The following PRKCB variants were observed in gnomAD, a reference collection of about 807,000 sequenced individuals.
The protein encoded by PRKCB is protein kinase C beta.
PRKCB carries 13 observed loss-of-function variants against 81.5 expected under a neutral mutation model. The ratio of observed to expected loss-of-function variants is 0.16; its 90% CI spans 0.10 to 0.25. PRKCB has a LOEUF of 0.25. Among genes scored for constraint, PRKCB ranks in the 10% least tolerant of loss-of-function variants. PRKCB has a pLI of 1.00. For synonymous variants in PRKCB, 335 were observed against 321.4 expected (o/e 1.04, Z -0.45); for missense variants, 509 against 875.7 (o/e 0.58, Z 5.29).
intron 3 of PRKCB, among the ~76,000 whole-genome samples, chr16:24,008,866 C>G (rs937627338): frequency 6.6e-6 from 1 of 152,128 alleles, no homozygotes; most frequent in African/African-American, 2.4e-5. Flanking sequence ...TGCCCTTCTT[C>G]CAGGCTGTAG....
chr16:24,116,600 G>C (rs1027965926), intron 8 of PRKCB, among the ~76,000 whole-genome samples: 4 of 152,052 alleles, frequency 2.6e-5, no homozygotes, highest in South Asian at 4.2e-4. Flanking sequence ...GATAACAGAG[G>C]CTTGTTCCCA....
rs941961845 is a variant in PRKCB at position 24,094,628 on chromosome 16, A to C, written c.821+331A>C. Among the ~76,000 whole-genome samples the C allele has an allele frequency of 2.6e-5, 4 of 152,200 alleles. No homozygotes were observed. The East Asian group carries it at 7.7e-4, about 29-fold the overall frequency. ...CAAAAACATGAAAAATTAGCTGGGC[A>C]TGGTGGTGTGTGCCTGTAGTTCCAG... On this transcript the variant is annotated intron_variant, in intron 7 of 16. Transcript: ENST00000643927.
rs567185119 is a variant in PRKCB, at chr16:24,065,072, T to TA, written c.530-27719_530-27718insA. Among the ~76,000 whole-genome samples, 1,005 of 148,300 alleles carry TA rather than the reference T, an allele frequency of 6.8e-3. 9 individuals carry two copies. The highest frequency in any genetic ancestry group is 0.022 in the African/African-American group (916 of 40,868). ...ATAAAATAATATAAATATATATATA[T>TA]TTTTCCCCCTTTTCCCTTTCAGTCT... On this transcript the variant is annotated intron_variant, in intron 5 of 16. Coordinates refer to ENST00000643927, the MANE Select transcript of PRKCB (RefSeq NM_002738.7).
chr16:23,981,200 AG>A, intron 2 of PRKCB, among the ~76,000 whole-genome samples: 1 of 152,220 alleles, frequency 6.6e-6, no homozygotes, highest in East Asian at 1.9e-4. Flanking sequence ...TGGAGGCTCT[AG>A]GGGACAATCT....
intron 12 of PRKCB, among the ~76,000 whole-genome samples, chr16:24,178,192 G>A (rs925848133): frequency 3.9e-5 from 6 of 152,128 alleles, no homozygotes; most frequent in Admixed American, 2.0e-4. Flanking sequence ...GGGTGGGAAG[G>A]GAAAAAGATT....
chr16:23,881,076 C>A (rs1394053387), intron 2 of PRKCB, among the ~76,000 whole-genome samples: 1 of 152,090 alleles, frequency 6.6e-6, no homozygotes, highest in Admixed American at 6.5e-5. Flanking sequence ...TGAGAGCAGA[C>A]TTCTAGAAGT....
At chr16:23,953,810 C>G (rs1196745981) in intron 2 of PRKCB, among the ~76,000 whole-genome samples, 1 of 151,940 alleles carries the variant, frequency 6.6e-6, no homozygotes, top group Non-Finnish European at 1.5e-5. Flanking sequence ...CAGACCCAGT[C>G]ACTGCTCTCA....
intron 2 of PRKCB, among the ~76,000 whole-genome samples, chr16:23,885,270 A>G (rs543120550): frequency 6.6e-6 from 1 of 152,124 alleles, no homozygotes; most frequent in East Asian, 1.9e-4. Context: ...CAGATGGGAG[A>G]TCCTGTGGCT....
intron 10 of PRKCB, among the ~76,000 whole-genome samples, chr16:24,164,176 G>C (rs1967306886): frequency 6.6e-6 from 1 of 152,138 alleles, no homozygotes; most frequent in Non-Finnish European, 1.5e-5. Flanking sequence ...CAGGCATCAT[G>C]TTACACTCCA....
At chr16:24,188,934 C>T (rs1245298430) in intron 15 of PRKCB, among the ~76,000 whole-genome samples, 11 of 152,284 alleles carry the variant, frequency 7.2e-5, no homozygotes, top group East Asian at 3.9e-4. Context: ...GGAGCCTGAA[C>T]GCATATGATG....
chr16:24,174,359 T>A (rs928174500), intron 11 of PRKCB, 159 bp from the exon 12 acceptor site: 1 of 637,972 alleles, frequency 1.6e-6, no homozygotes, highest in Admixed American at 3.0e-5. Context: ...ACCCTTTGAA[T>A]CCATCTGTAC....
chr16:24,164,006 G>A (rs925637003), intron 10 of PRKCB, among the ~76,000 whole-genome samples: 1 of 152,254 alleles, frequency 6.6e-6, no homozygotes, highest in African/African-American at 2.4e-5. Flanking sequence ...CAGACGGGAT[G>A]AATCCACAGA....
chr16:23,989,692 G>A (rs1409663758), intron 3 of PRKCB, among the ~76,000 whole-genome samples: 1 of 152,156 alleles, frequency 6.6e-6, no homozygotes, highest in East Asian at 1.9e-4. Context: ...GGTGATATAA[G>A]GATATGGCAA....
At chr16:23,969,880 C>T (rs549663557) in intron 2 of PRKCB, among the ~76,000 whole-genome samples, 4 of 151,960 alleles carry the variant, frequency 2.6e-5, no homozygotes, top group South Asian at 4.2e-4. Flanking sequence ...TGTGTGTGTA[C>T]GTGGGGAAGG....
chr16:23,890,201 A>C (rs780847195), intron 2 of PRKCB, among the ~76,000 whole-genome samples: 3 of 152,184 alleles, frequency 2.0e-5, no homozygotes, highest in Non-Finnish European at 4.4e-5. Flanking sequence ...GAACACCCTG[A>C]CCTTTCACTG....
At position 24,217,114 on chromosome 16, in the gene PRKCB, G is replaced by A. The variant is rs1220467547; in HGVS notation, c.*2298G>A. Reference sequence around the variant, plus strand: ...AAAGAAAGGAAAGAAAGAAGAAAAAGAAAGAAGGAAAGAAAGAAAGAGAAA... The same window carrying A: ...AAAGAAAGGAAAGAAAGAAGAAAAAAAAAGAAGGAAAGAAAGAAAGAGAAA... On this transcript the variant is annotated 3_prime_UTR_variant, in exon 17 of 17. Coordinates refer to ENST00000643927, the MANE Select transcript of PRKCB (RefSeq NM_002738.7). The A allele has an allele frequency of 1.0e-6, 1 of 979,712 alleles. No homozygotes were observed. The highest frequency in any genetic ancestry group is 1.2e-6 in the Non-Finnish European group (1 of 827,654). The allele number at this position is 979,712 out of a possible 1,614,324, so 60.7% of individuals were successfully genotyped here.
At chr16:23,863,175 T>C (rs1228671473) in intron 2 of PRKCB, among the ~76,000 whole-genome samples, 1 of 70,770 alleles carries the variant, frequency 1.4e-5, no homozygotes, top group Non-Finnish European at 2.8e-5. Context: ...TATATATGTA[T>C]ATATGTGTAT....
chr16:24,131,398 G>A (rs445620), intron 9 of PRKCB, among the ~76,000 whole-genome samples: 1 of 152,058 alleles, frequency 6.6e-6, no homozygotes. Context: ...GGAGGGTCTG[G>A]TGGTGGCCCC....
chr16:23,864,959 C>T (rs1321060862), intron 2 of PRKCB, among the ~76,000 whole-genome samples: 1 of 151,986 alleles, frequency 6.6e-6, no homozygotes, highest in Admixed American at 6.6e-5. Flanking sequence ...ATGTTTAGTT[C>T]CCACTTCGAA....
Sources: gnomAD v4.1 joint callset for allele counts (sites outside exome capture counted in the v4.1 genomes callset) on GRCh38, gnomAD v4.1.1 for gene constraint, MANE v1.5 for transcripts, NCBI Gene and HGNC (gene_info 2026-07-23, HGNC 2026-07-21) for gene names.